DHX34: variants seen among roughly 807,000 people sequenced by gnomAD.
DHX34 encodes DExH-box helicase 34.
DHX34 carries 96 observed loss-of-function variants against 111.1 expected under a neutral mutation model. The ratio of observed to expected loss-of-function variants is 0.86; its 90% CI spans 0.73 to 1.02. The LOEUF is 1.02. Among genes scored for constraint, DHX34 ranks in the 50% least tolerant of loss-of-function variants. The pLI is 0.00. For missense variants in DHX34, 1,560 were observed against 1,579.9 expected (o/e 0.99, Z 0.21); for synonymous variants, 688 against 670.4 (o/e 1.03, Z -0.41).
rs147969937 is a variant in DHX34, at chr19:47,358,028, G to T, written c.1180G>T (p.Val394Leu). The T allele has an allele frequency of 1.9e-6, 3 of 1,613,472 alleles. No homozygotes were observed. Among genetic ancestry groups the T allele is most frequent in the South Asian group, 1.1e-5 (1 of 91,090 alleles). Residue 394 changes from valine to leucine, a missense_variant, in exon 4 of 17, where the codon GTG becomes TTG. Coordinates refer to ENST00000328771, the MANE Select transcript of DHX34 (RefSeq NM_014681.6). ...FLSGMAEISA[V>L]LEAAQTYASH... ...CAGCGGCATGGCGGAGATCAGCGCCGTGCTGGAGGCTGCCCAGACCTATGC... is the reference window on the plus strand; with the variant it reads ...CAGCGGCATGGCGGAGATCAGCGCCTTGCTGGAGGCTGCCCAGACCTATGC...
chr19:47,376,594 C>T (rs974011510), intron 12 of DHX34, 34 bp downstream of exon 12: 58 of 1,545,682 alleles, frequency 3.8e-5, no homozygotes, highest in South Asian at 2.4e-4. Context: ...AACCCCCATC[C>T]GGGATGTGAG....
At chr19:47,355,664 T>G (rs1404143904) in intron 3 of DHX34, among the ~76,000 whole-genome samples, 2 of 152,028 alleles carry the variant, frequency 1.3e-5, no homozygotes. Context: ...CTGGCTAACA[T>G]GGTGAAACCC....
chr19:47,380,029 G>A, intron 14 of DHX34, 44 bp downstream of exon 14: 2 of 1,534,854 alleles, frequency 1.3e-6, no homozygotes, highest in Admixed American at 1.9e-5. Context: ...GGCCAGAAGG[G>A]GCATCCGTCA....
intron 9 of DHX34, among the ~76,000 whole-genome samples, chr19:47,374,131 A>G (rs1970059138): frequency 6.6e-6 from 1 of 152,076 alleles, no homozygotes; most frequent in Non-Finnish European, 1.5e-5. Context: ...CCTCGATAAA[A>G]AGAGAGGATA....
At chr19:47,375,234 A>G (rs978503553) in intron 9 of DHX34, 23 of 966,348 alleles carry the variant, frequency 2.4e-5, no homozygotes, top group Middle Eastern at 1.1e-3. Flanking sequence ...GGGAAAAGGC[A>G]CTGGACGCCC....
rs751960623 is a variant in DHX34 at position 47,373,627 on chromosome 19, G to T, written c.1991G>T (p.Arg664Leu). The T allele has an allele frequency of 1.2e-6, 2 of 1,613,798 alleles. No individual in the cohort carries two copies. Among genetic ancestry groups the T allele is most frequent in the East Asian group, 2.2e-5 (1 of 44,894 alleles). Residue 664 changes from arginine (R) to leucine (L), a missense_variant, in exon 9 of 17, where the codon CGC (arginine) becomes CTC (leucine). Physicochemically the swap from Arg to Leu is moderately radical, Grantham distance 102 (BLOSUM62 -2). Transcript: ENST00000328771. Reference sequence around the variant, plus strand: ...AAATCTGAACGGAGCAGAAACTCTCGCAAGTGGTGCCGCCGCCGGGGCATA... The same window carrying T: ...AAATCTGAACGGAGCAGAAACTCTCTCAAGTGGTGCCGCCGCCGGGGCATA... ...QVKSERSRNS[R>L]KWCRRRGIEE...
intron 13 of DHX34, 125 bp downstream of exon 13, chr19:47,377,331 GCCTTGGGCCGTTGCT>G (rs1970201025): frequency 1.0e-6 from 1 of 983,030 alleles, no homozygotes; most frequent in African/African-American, 1.6e-5. Flanking sequence ...GCAGGCGTCA[GCCTTGGGCCGTTGCT>G]GTGGCTGCTT....
chr19:47,380,620 A>G, intron 14 of DHX34, 196 bp from the exon 15 acceptor site: 4 of 983,348 alleles, frequency 4.1e-6, no homozygotes, highest in Non-Finnish European at 4.8e-6. Flanking sequence ...GGCAATTTAG[A>G]TGGGGGTGGG....
intron 5 of DHX34, among the ~76,000 whole-genome samples, chr19:47,361,922 C>T (rs1969643090): frequency 6.6e-6 from 1 of 152,090 alleles, no homozygotes; most frequent in African/African-American, 2.4e-5. Context: ...ATAGTAGGTG[C>T]TTAATAAGTA....
chr19:47,380,062 C>T, intron 14 of DHX34, 77 bp downstream of exon 14: 1 of 1,486,530 alleles, frequency 6.7e-7, no homozygotes, highest in Non-Finnish European at 9.0e-7. Context: ...CTCGGGAAGG[C>T]CTGGCTTCCC....
chr19:47,349,739 T>G (rs1599747261), intron 1 of DHX34, among the ~76,000 whole-genome samples: 1 of 147,936 alleles, frequency 6.8e-6, no homozygotes, highest in African/African-American at 2.5e-5. Flanking sequence ...ACTTGGGGAG[T>G]GGAGGGAAAA....
Position 47,375,473 on chromosome 19 carries a change from TGGA to T in DHX34, c.2076_2078del (p.Glu692del). The T allele has an allele frequency of 6.3e-7, 1 of 1,583,674 alleles. No individual in the cohort carries two copies. The highest frequency in any genetic ancestry group is 8.5e-7 in the Non-Finnish European group (1 of 1,172,002). On this transcript the variant is annotated inframe_deletion, in exon 10 of 17. Transcript: ENST00000328771. ...CTACCCACCTGCCCCTAGGAGCTGT[TGGA>T]GGACCACGGGCTGCTGGCTGGGGCC...
chr19:47,358,938 T>G (rs2122237575), intron 4 of DHX34, among the ~76,000 whole-genome samples: 1 of 152,166 alleles, frequency 6.6e-6, no homozygotes, highest in Non-Finnish European at 1.5e-5. Context: ...TTTTTGAATT[T>G]TAGTAGCAAA....
At position 47,357,670 on chromosome 19, in the gene DHX34, T is replaced by C. The variant is rs535202208; in HGVS notation, c.1018-196T>C. On this transcript the variant is annotated intron_variant, in intron 3 of 16. Coordinates refer to ENST00000328771, the MANE Select transcript of DHX34 (RefSeq NM_014681.6). ...CTTTGAGAAATCCTGCCCAATGAGA[T>C]GGTGGCATAATGAGAAAGGAGAAGC... 1.9e-5 allele frequency: 16 copies of C among 842,238 alleles called. No homozygotes were observed. In the East Asian group the frequency reaches 1.9e-3, roughly 98 times the overall value. 52.2% of individuals were successfully genotyped at this position (842,238 alleles called of 1,614,324 possible). A position where few individuals can be genotyped will look rare whatever the true frequency, so the allele number is the denominator to read the frequency against.
rs570063963 is a variant in DHX34, at chr19:47,379,573, C to T, written c.2707-137C>T. ...GCACCCGAAGGGGTGCCTGGTACAG[C>T]GGGTAGATGGCGGGTAGGTGGATGC... On this transcript the variant is annotated intron_variant, in intron 13 of 16. Coordinates refer to ENST00000328771, the MANE Select transcript of DHX34 (RefSeq NM_014681.6). 238 of 1,473,194 alleles carry T rather than the reference C, an allele frequency of 1.6e-4. No individual in the cohort carries two copies. In the Admixed American group the frequency reaches 4.2e-3, roughly 26 times the overall value. 91.3% of individuals were successfully genotyped at this position (1,473,194 alleles called of 1,614,324 possible).
chr19:47,364,294 T>C (rs1198789380), intron 6 of DHX34, among the ~76,000 whole-genome samples: 1 of 152,128 alleles, frequency 6.6e-6, no homozygotes, highest in Non-Finnish European at 1.5e-5. Flanking sequence ...AGTGTAGTCC[T>C]TGTGCTCAGG....
At chr19:47,381,434 T>C in intron 16 of DHX34, 110 bp downstream of exon 16, 2 of 1,444,536 alleles carry the variant, frequency 1.4e-6, no homozygotes, top group Non-Finnish European at 9.3e-7. Context: ...ACTGACGACC[T>C]CCACCCGCTG....
chr19:47,379,407 G>T (rs941569608), intron 13 of DHX34, among the ~76,000 whole-genome samples: 1 of 152,150 alleles, frequency 6.6e-6, no homozygotes, highest in Non-Finnish European at 1.5e-5. Flanking sequence ...TGCACGTCGT[G>T]TGTGTCTGAG....
At chr19:47,363,700 C>T (rs1341108283) in intron 6 of DHX34, among the ~76,000 whole-genome samples, 4 of 151,768 alleles carry the variant, frequency 2.6e-5, no homozygotes, top group Admixed American at 2.6e-4. Context: ...CACCTGTAAG[C>T]CCGGCTATTT....
Sources: allele counts gnomAD v4.1 joint callset (sites outside exome capture counted in the v4.1 genomes callset), GRCh38; gene constraint gnomAD v4.1.1; transcripts MANE v1.5; gene names NCBI Gene and HGNC (gene_info 2026-07-23, HGNC 2026-07-21).